Variants in NKAIN2 observed in about 807,000 individuals in gnomAD.
The protein encoded by NKAIN2 is sodium/potassium-transporting ATPase subunit beta-1-interacting protein 2.
NKAIN2 carries 14 observed loss-of-function variants against 32.6 expected under a neutral mutation model. The observed-to-expected ratio is 0.43, with a 90% CI of 0.28 to 0.67. The LOEUF (loss-of-function observed/expected upper bound fraction) is 0.67, where lower values mean the gene tolerates loss of function less well. Among genes scored for constraint, NKAIN2 ranks in the 30% least tolerant of loss-of-function variants. NKAIN2 has a pLI of 0.17. For synonymous variants in NKAIN2, 80 were observed against 87.2 expected, an observed-to-expected ratio of 0.92 and a Z score of 0.46; for missense variants, 198 against 258.3, an observed-to-expected ratio of 0.77 and a Z score of 1.60.
chr6:123,976,082 C>T (rs142185807), intron 1 of NKAIN2, among the ~76,000 whole-genome samples: 2,636 of 151,322 alleles, frequency 0.017, 94 homozygotes, highest in African/African-American at 0.06. Flanking sequence ...CCATGTCCCA[C>T]GTGCCTTTTG....
chr6:124,711,283 C>T (rs547184156), intron 4 of NKAIN2, among the ~76,000 whole-genome samples: 66 of 40,694 alleles, frequency 1.6e-3, no homozygotes, highest in Non-Finnish European at 2.7e-3. Context: ...TCATTTCAAC[C>T]TTGATGAATC....
intron 4 of NKAIN2, among the ~76,000 whole-genome samples, chr6:124,773,263 A>T (rs550291165): frequency 1.3e-5 from 2 of 152,266 alleles, no homozygotes; most frequent in South Asian, 2.1e-4. Context: ...GCAAGTGTAG[A>T]ATAACCCTTC....
intron 1 of NKAIN2, among the ~76,000 whole-genome samples, chr6:123,835,258 C>G (rs1774568444): frequency 6.6e-6 from 1 of 152,090 alleles, no homozygotes; most frequent in Non-Finnish European, 1.5e-5. Context: ...GAAATTCCAC[C>G]CACCCATGTT....
At chr6:124,126,823 C>T (rs1018340877) in intron 1 of NKAIN2, among the ~76,000 whole-genome samples, 10 of 152,104 alleles carry the variant, frequency 6.6e-5, no homozygotes, top group African/African-American at 2.4e-4. Flanking sequence ...GGTGTGGTAG[C>T]ATGTGCCTGT....
At chr6:124,377,020 A>G (rs1431258552) in intron 3 of NKAIN2, among the ~76,000 whole-genome samples, 1 of 152,178 alleles carries the variant, frequency 6.6e-6, no homozygotes, top group Non-Finnish European at 1.5e-5. Context: ...AATATATTCT[A>G]TCACCCATTT....
chr6:124,490,315 T>C, intron 3 of NKAIN2: 1 of 412,128 alleles, frequency 2.4e-6, no homozygotes, highest in Non-Finnish European at 4.7e-6. Flanking sequence ...AATTAGAGAA[T>C]GACACCAAGT....
intron 3 of NKAIN2, among the ~76,000 whole-genome samples, chr6:124,487,900 T>G (rs540794812): frequency 6.6e-6 from 1 of 152,118 alleles, no homozygotes; most frequent in Non-Finnish European, 1.5e-5. Context: ...CTTTGACACC[T>G]TTTAAGTTTT....
Position 124,260,226 on chromosome 6 carries a change from G to A in NKAIN2, c.55-22779G>A, listed in dbSNP as rs955550960. The stretch of plus-strand genomic sequence containing the variant: ...ACTAAGTATATGTTTGTAAGCCATA[G>A]AGAAAAATCTCAGCCTTCAAGGAGC... On this transcript the variant is annotated intron_variant, in intron 1 of 6. Coordinates refer to ENST00000368417, the MANE Select transcript of NKAIN2 (RefSeq NM_001040214.3). Among the ~76,000 whole-genome samples, 6 of 152,160 alleles carry A rather than the reference G, an allele frequency of 3.9e-5. 1 individual carries two copies. Among genetic ancestry groups the A allele is most frequent in the South Asian group, 4.1e-4 (2 of 4,828 alleles).
chr6:124,150,299 T>A (rs537326851), intron 1 of NKAIN2, among the ~76,000 whole-genome samples: 99 of 152,164 alleles, frequency 6.5e-4, no homozygotes, highest in Admixed American at 6.4e-3. Context: ...AGTTTTTGGT[T>A]AAAAAAATGC....
chr6:124,228,007 A>T (rs562510358), intron 1 of NKAIN2, among the ~76,000 whole-genome samples: 1 of 152,152 alleles, frequency 6.6e-6, no homozygotes, highest in Non-Finnish European at 1.5e-5. Context: ...CTTGTAAAGT[A>T]ACACTTTCTT....
intron 3 of NKAIN2, among the ~76,000 whole-genome samples, chr6:124,453,322 A>ACACACACACAC (rs1776183191): frequency 1.6e-5 from 1 of 63,874 alleles, no homozygotes; most frequent in African/African-American, 5.1e-5. Flanking sequence ...CATGCATATA[A>ACACACACACAC]ACACACACAC....
chr6:124,246,709 G>A (rs1195711715), intron 1 of NKAIN2, among the ~76,000 whole-genome samples: 2 of 151,930 alleles, frequency 1.3e-5, no homozygotes, highest in Non-Finnish European at 2.9e-5. Context: ...AAGTTCTGTC[G>A]ATTGTTTCAG....
chr6:123,870,012 C>G (rs1772783180), intron 1 of NKAIN2, among the ~76,000 whole-genome samples: 1 of 152,012 alleles, frequency 6.6e-6, no homozygotes, highest in Admixed American at 6.6e-5. Flanking sequence ...TAACGAATAA[C>G]TAGAGTTGGG....
chr6:124,716,424 G>C (rs994029919), intron 4 of NKAIN2, among the ~76,000 whole-genome samples: 1 of 152,198 alleles, frequency 6.6e-6, no homozygotes, highest in South Asian at 2.1e-4. Context: ...GCCAGAGTCT[G>C]AGAATATCAG....
chr6:124,696,734 G>T (rs1393336915), intron 4 of NKAIN2, among the ~76,000 whole-genome samples: 1 of 150,636 alleles, frequency 6.6e-6, no homozygotes, highest in Non-Finnish European at 1.5e-5. Context: ...TTCTGCGCTT[G>T]ATTGTATAAA....
At chr6:124,484,760 T>C (rs1777586241) in intron 3 of NKAIN2, among the ~76,000 whole-genome samples, 1 of 152,146 alleles carries the variant, frequency 6.6e-6, no homozygotes, top group South Asian at 2.1e-4. Context: ...AATACATACT[T>C]GTAAACATGC....
intron 1 of NKAIN2, among the ~76,000 whole-genome samples, chr6:124,178,736 G>C (rs946869496): frequency 2.6e-5 from 4 of 152,194 alleles, no homozygotes; most frequent in Non-Finnish European, 5.9e-5. Flanking sequence ...TATTCTTTTA[G>C]AAAGTCAGTA....
At chr6:124,463,039 C>T (rs1776595507) in intron 3 of NKAIN2, among the ~76,000 whole-genome samples, 3 of 151,966 alleles carry the variant, frequency 2.0e-5, no homozygotes, top group Admixed American at 2.0e-4. Context: ...AGTGATGATT[C>T]CCCAGACAAG....
chr6:124,712,193 G>C (rs1333879406), intron 4 of NKAIN2, among the ~76,000 whole-genome samples: 2 of 150,680 alleles, frequency 1.3e-5, no homozygotes, highest in East Asian at 2.0e-4. Context: ...CTCCAGCTGC[G>C]TGCTGGGAGA....
Sources: allele counts gnomAD v4.1 joint callset (sites outside exome capture counted in the v4.1 genomes callset), GRCh38; gene constraint gnomAD v4.1.1; transcripts MANE v1.5; gene names NCBI Gene and HGNC (gene_info 2026-07-23, HGNC 2026-07-21).